The following APOM variants were observed in gnomAD, a reference collection of about 807,000 sequenced individuals.
APOM encodes apolipoprotein M.
In APOM, 24 loss-of-function variants were observed where a neutral mutation model predicts 23.5. The observed-to-expected ratio is 1.02, with a 90% confidence interval of 0.74 to 1.44. APOM has a LOEUF of 1.44. Among genes scored for constraint, APOM ranks in the 40% most tolerant of loss-of-function variants. The probability of loss-of-function intolerance (pLI) is 0.00; values close to 1 mark genes in which losing one functional copy is unlikely to be tolerated. For missense variants in APOM, 200 were observed against 233.2 expected, an observed-to-expected ratio of 0.86 and a Z score of 0.93; for synonymous variants, 82 against 84.1, an observed-to-expected ratio of 0.97 and a Z score of 0.14.
chr6:31,656,269 T>G (rs1800043727), intron 1 of APOM, among the ~76,000 whole-genome samples, 189 bp downstream of exon 1: 1 of 148,742 alleles, frequency 6.7e-6, no homozygotes, highest in Non-Finnish European at 1.5e-5. Flanking sequence ...AATTGGGGGG[T>G]GGGGTGGTTA....
upstream of APOM, chr6:31,655,777 G>A: frequency 1.7e-6 from 1 of 574,058 alleles, no homozygotes; most frequent in South Asian, 2.0e-5. Context: ...GTTGCATCCG[G>A]AAGAGGGGGA....
At chr6:31,655,116 T>C (rs805296), upstream of APOM, among the ~76,000 whole-genome samples, 7,808 of 152,270 alleles carry the variant, frequency 0.051, 356 homozygotes, top group African/African-American at 0.12. Context: ...AATTTTTGTA[T>C]TTTTTGTAGA....
At position 31,657,441 on chromosome 6, in the gene APOM, T is replaced by C. The variant is rs762203451; in HGVS notation, c.405T>C (p.Asn135=). The C allele has an allele frequency of 2.5e-6, 4 of 1,612,874 alleles. No homozygotes were observed. The highest frequency in any genetic ancestry group is 3.4e-6 in the Non-Finnish European group (4 of 1,179,938). ...SSSCPGGIML[N]ETGQGYQRFL... ...CATGCCCAGGTGGAATCATGCTGAA[T>C]GAGACAGGCCAGGGTTACCAGCGCT... The change falls in exon 4 of 6, where the codon AAT becomes AAC. Residue 135 remains asparagine, a synonymous_variant. Transcript: ENST00000375916.
Position 31,657,484 on chromosome 6 carries a change from T to G in APOM, c.442+6T>G. ...CCAGCGCTTTCTCCTCTACAGTGAG[T>G]AGGGATACAAGGCAGGAAGGGTTGG... On this transcript the variant is annotated splice_donor_region_variant and intron_variant, in intron 4 of 5. Transcript: ENST00000375916. The G allele has an allele frequency of 6.2e-7, 1 of 1,612,138 alleles. No homozygotes were observed.
At chr6:31,653,349 C>T (rs993657180), upstream of APOM, among the ~76,000 whole-genome samples, 26 of 152,194 alleles carry the variant, frequency 1.7e-4, no homozygotes, top group African/African-American at 6.0e-4. Flanking sequence ...TTAACCTGCC[C>T]TGGGCCAAGG....
upstream of APOM, among the ~76,000 whole-genome samples, chr6:31,653,797 T>G (rs2151128919): frequency 6.6e-6 from 1 of 152,158 alleles, no homozygotes; most frequent in African/African-American, 2.4e-5. Context: ...TCTTCCCACC[T>G]CAGCCTCCCT....
intron 2 of APOM, among the ~76,000 whole-genome samples, 170 bp downstream of exon 2, chr6:31,656,796 G>C (rs374131389): frequency 1.6e-4 from 24 of 152,208 alleles, no homozygotes; most frequent in African/African-American, 5.8e-4. Flanking sequence ...ACCAATGCTT[G>C]GTAGCTTGAA....
chr6:31,656,611 G>A lies in APOM; in HGVS notation c.254G>A (p.Arg85His), dbSNP rs372181588. Residue 85 changes from arginine (R) to histidine (H), a missense_variant, in exon 2 of 6, where the codon CGT (arginine) becomes CAT (histidine). Coordinates refer to ENST00000375916, the MANE Select transcript of APOM (RefSeq NM_019101.3). ...AGSAPMQLHL[R>H]ATIRMKDGLC... ...TCTGCCCCGATGCAGCTCCACCTTC[G>A]TGCTACCATCCGCATGTGAGTGGTA... 45 of 1,613,818 alleles carry A rather than the reference G, an allele frequency of 2.8e-5. No individual in the cohort carries two copies. The highest frequency in any genetic ancestry group is 3.5e-5 in the Non-Finnish European group (41 of 1,179,964).
At chr6:31,657,977 C>A in intron 5 of APOM, 87 bp from the exon 6 acceptor site, 1 of 1,368,216 alleles carries the variant, frequency 7.3e-7, no homozygotes, top group Non-Finnish European at 1.0e-6. Context: ...AATGAAAGAA[C>A]ACGTTCTCCC....
intron 2 of APOM, 69 bp from the exon 3 acceptor site, chr6:31,657,156 A>G (rs945672108): frequency 6.7e-7 from 1 of 1,483,374 alleles, no homozygotes; most frequent in Admixed American, 2.0e-5. Flanking sequence ...AAAAAAAAAA[A>G]AAAGAAGCTG....
chr6:31,655,242 T>A (rs1799921832), upstream of APOM, among the ~76,000 whole-genome samples: 1 of 152,214 alleles, frequency 6.6e-6, no homozygotes, highest in Non-Finnish European at 1.5e-5. Context: ...GCCCTGCCTG[T>A]AGTTAGGGTT....
intron 1 of APOM, 96 bp downstream of exon 1, chr6:31,656,176 G>C (rs970560215): frequency 4.0e-6 from 4 of 997,624 alleles, no homozygotes; most frequent in Admixed American, 2.2e-5. Context: ...GAAAGGAAGA[G>C]AGGAAGGGGG....
Position 31,658,128 on chromosome 6 carries a change from G to A in APOM, c.*39G>A. On this transcript the variant is annotated 3_prime_UTR_variant, in exon 6 of 6. Coordinates refer to ENST00000375916, the MANE Select transcript of APOM (RefSeq NM_019101.3). ...CTAAGTCCCCAGATGGGTACAATGG[G>A]AGCTGAGTTGTTGGAGGGAGAAGCT... 6.2e-7 allele frequency: 1 copy of A among 1,610,626 alleles called. No individual in the cohort carries two copies. Among genetic ancestry groups the A allele is most frequent in the Non-Finnish European group, 8.5e-7 (1 of 1,176,822 alleles).
At chr6:31,656,680 G>A (rs947396491) in intron 2 of APOM, 54 bp downstream of exon 2, 4 of 1,584,458 alleles carry the variant, frequency 2.5e-6, no homozygotes, top group Non-Finnish European at 3.4e-6. Flanking sequence ...CCCAAAGTGT[G>A]AGAATCCACC....
chr6:31,658,036 T>C, intron 5 of APOM, 28 bp from the exon 6 acceptor site: 1 of 1,613,940 alleles, frequency 6.2e-7, no homozygotes, highest in Non-Finnish European at 8.5e-7. Flanking sequence ...TTCCCTTCTG[T>C]CCTTCTTTTT....
upstream of APOM, chr6:31,655,559 TG>T (rs1799951175): frequency 6.4e-6 from 1 of 156,870 alleles, no homozygotes; most frequent in African/African-American, 2.4e-5. Context: ...AGCTAGTTCT[TG>T]GGAAACAACT....
rs1269018276 is a variant in APOM at position 31,657,415 on chromosome 6, T to G, written c.379T>G (p.Ser127Ala). ...PDMKTELFSSSCPGGIMLNET... is the reference protein window; with the variant it reads ...PDMKTELFSSACPGGIMLNET... Reference sequence around the variant, plus strand: ...CATGAAGACTGAGCTCTTTTCCAGCTCATGCCCAGGTGGAATCATGCTGAA... The same window carrying G: ...CATGAAGACTGAGCTCTTTTCCAGCGCATGCCCAGGTGGAATCATGCTGAA... Residue 127 changes from serine to alanine, a missense_variant, in exon 4 of 6, where the codon TCA becomes GCA. Coordinates refer to ENST00000375916, the MANE Select transcript of APOM (RefSeq NM_019101.3). 1 of 1,612,914 alleles carries G rather than the reference T, an allele frequency of 6.2e-7. No individual in the cohort carries two copies.
rs753469208 is a variant in APOM, at chr6:31,657,793, G to A, written c.541+70G>A. 2.2e-6 allele frequency: 3 copies of A among 1,389,272 alleles called. No homozygotes were observed. The Admixed American group carries it at 5.0e-5, about 23-fold the overall frequency. 86.1% of individuals were successfully genotyped at this position (1,389,272 alleles called of 1,614,324 possible). On this transcript the variant is annotated intron_variant, in intron 5 of 5. Coordinates refer to ENST00000375916, the MANE Select transcript of APOM (RefSeq NM_019101.3). ...TCTTCTGGTGTTACAGGGTGAAAGA[G>A]GCTCGTGTGATGTCACCAGAGGGAT...
In APOM at chr6:31,656,591, C is replaced by T. The variant is rs772768089; in HGVS notation, c.234C>T (p.Ala78=). ...TCTTCAATATGGCTGCTGGCTCTGC[C>T]CCGATGCAGCTCCACCTTCGTGCTA... ...NIVFNMAAGS[A]PMQLHLRATI... The change falls in exon 2 of 6, where the codon GCC becomes GCT. Residue 78 remains alanine (A), a synonymous_variant. Transcript: ENST00000375916. The T allele has an allele frequency of 6.2e-7, 1 of 1,614,082 alleles. No individual in the cohort carries two copies. The highest frequency in any genetic ancestry group is 1.7e-5 in the Admixed American group (1 of 60,018).
Sources: gnomAD v4.1 joint callset for allele counts (sites outside exome capture counted in the v4.1 genomes callset) on GRCh38, gnomAD v4.1.1 for gene constraint, MANE v1.5 for transcripts, NCBI Gene and HGNC (gene_info 2026-07-23, HGNC 2026-07-21) for gene names.